Variants in FGGY observed in about 807,000 individuals in gnomAD.
FGGY encodes the protein FGGY carbohydrate kinase domain-containing protein.
In FGGY, 72 loss-of-function variants were observed where a neutral mutation model predicts 71.3. That is an observed-to-expected ratio of 1.01 (90% CI 0.84 to 1.23). FGGY has a LOEUF of 1.23. Among genes scored for constraint, FGGY ranks in the 50% most tolerant of loss-of-function variants. FGGY has a pLI of 0.00. For missense variants in FGGY, 668 were observed against 682.3 expected (o/e 0.98, Z 0.23); for synonymous variants, 251 against 250.3 (o/e 1.00, Z -0.02).
At chr1:59,339,924 T>G in intron 2 of FGGY, 34 bp from the exon 3 acceptor site, 4 of 1,332,178 alleles carry the variant, frequency 3.0e-6, no homozygotes, top group Non-Finnish European at 4.3e-6. Context: ...GACCCTGGTG[T>G]TGTAATTTAT....
chr1:59,758,401 A>G (rs2098312937), intron 15 of FGGY, among the ~76,000 whole-genome samples: 1 of 152,250 alleles, frequency 6.6e-6, no homozygotes, highest in Admixed American at 6.5e-5. Context: ...TCAACAAAAT[A>G]TTAGTTTACT....
chr1:59,553,730 T>G (rs2095643831), intron 7 of FGGY, among the ~76,000 whole-genome samples: 1 of 152,246 alleles, frequency 6.6e-6, no homozygotes, highest in Non-Finnish European at 1.5e-5. Context: ...CTGCAGACCT[T>G]AGTTTCTCCT....
At chr1:59,408,563 A>G (rs1238179701) in intron 5 of FGGY, among the ~76,000 whole-genome samples, 1 of 152,194 alleles carries the variant, frequency 6.6e-6, no homozygotes, top group East Asian at 1.9e-4. Flanking sequence ...ACGCATGTAT[A>G]TGTATAAATA....
intron 4 of FGGY, among the ~76,000 whole-genome samples, chr1:59,357,620 T>C (rs2054591564): frequency 6.6e-6 from 1 of 152,218 alleles, no homozygotes; most frequent in Non-Finnish European, 1.5e-5. Context: ...GTTATTCTGC[T>C]GTACCATGTT....
chr1:59,457,094 C>G lies in FGGY; in HGVS notation c.670+18C>G. 1 of 1,531,910 alleles carries G rather than the reference C, an allele frequency of 6.5e-7. No individual in the cohort carries two copies. The highest frequency in any genetic ancestry group is 9.0e-7 in the Non-Finnish European group (1 of 1,105,618). 94.9% of individuals were successfully genotyped at this position (1,531,910 alleles called of 1,614,324 possible). ...CAAAATAGGTAAAAGAATAAAACAT[C>G]TGTAGAGTGATTATGTGCATTGGAG... On this transcript the variant is annotated intron_variant, in intron 6 of 15. Coordinates refer to ENST00000303721, the MANE Select transcript of FGGY (RefSeq NM_018291.5).
At chr1:59,661,340 C>T (rs561888311) in intron 12 of FGGY, among the ~76,000 whole-genome samples, 59 of 152,210 alleles carry the variant, frequency 3.9e-4, no homozygotes, top group Admixed American at 1.5e-3. Flanking sequence ...AGTAATAATA[C>T]TAATACTGAA....
At chr1:59,718,071 A>T (rs926728133) in intron 14 of FGGY, among the ~76,000 whole-genome samples, 3 of 152,176 alleles carry the variant, frequency 2.0e-5, no homozygotes, top group Non-Finnish European at 4.4e-5. Context: ...TTACTGTCAC[A>T]TTACCTCTCA....
chr1:59,566,849 G>A (rs889840666), intron 8 of FGGY, among the ~76,000 whole-genome samples: 10 of 152,192 alleles, frequency 6.6e-5, no homozygotes, highest in African/African-American at 2.2e-4. Context: ...AGAGAACTGA[G>A]TATAGTGATG....
At chr1:59,758,086 A>G in intron 15 of FGGY, 94 bp downstream of exon 15, 1 of 818,980 alleles carries the variant, frequency 1.2e-6, no homozygotes. Context: ...CAGGTGGTCA[A>G]CTAATCCAGT....
At chr1:59,367,678 G>C (rs576715678) in intron 4 of FGGY, among the ~76,000 whole-genome samples, 3 of 152,112 alleles carry the variant, frequency 2.0e-5, no homozygotes, top group Non-Finnish European at 4.4e-5. Flanking sequence ...TTTCCCTCAC[G>C]AGTTCCCTAG....
intron 14 of FGGY, among the ~76,000 whole-genome samples, chr1:59,683,685 T>G (rs2097523388): frequency 6.6e-6 from 1 of 152,186 alleles, no homozygotes; most frequent in African/African-American, 2.4e-5. Context: ...CTTAGAAATG[T>G]TATTAATTGG....
intron 9 of FGGY, among the ~76,000 whole-genome samples, chr1:59,619,784 A>C (rs1163873176): frequency 6.6e-6 from 1 of 152,054 alleles, no homozygotes; most frequent in Admixed American, 6.6e-5. Context: ...AATCATTCTT[A>C]CTGCTGCCTA....
chr1:59,632,098 C>T (rs952616714), intron 10 of FGGY, among the ~76,000 whole-genome samples: 1 of 152,164 alleles, frequency 6.6e-6, no homozygotes, highest in East Asian at 1.9e-4. Context: ...TGATGAGTAT[C>T]TTTTGAGCAT....
At chr1:59,660,187 ATCT>A (rs767645904) in intron 11 of FGGY, 29 bp from the exon 12 acceptor site, 18 of 1,596,948 alleles carry the variant, frequency 1.1e-5, no homozygotes, top group Admixed American at 5.0e-5. Flanking sequence ...TCTTTTGACC[ATCT>A]TCTTCTTTTC....
At chr1:59,583,601 G>A (rs2096232247) in intron 8 of FGGY, among the ~76,000 whole-genome samples, 1 of 142,194 alleles carries the variant, frequency 7.0e-6, no homozygotes, top group Non-Finnish European at 1.5e-5. Context: ...GCGCATGGAG[G>A]AAGCTTCATG....
intron 4 of FGGY, among the ~76,000 whole-genome samples, chr1:59,358,604 G>C (rs979830227): frequency 6.6e-6 from 1 of 152,134 alleles, no homozygotes; most frequent in Admixed American, 6.5e-5. Flanking sequence ...GACATTTACT[G>C]TCCTTGCTTT....
chr1:59,474,306 C>G (rs2093150897), intron 6 of FGGY: 1 of 152,244 alleles, frequency 6.6e-6, no homozygotes, highest in Non-Finnish European at 1.5e-5. Context: ...CCCAACTTCT[C>G]TTCCTACTGC....
intron 15 of FGGY, 103 bp from the exon 16 acceptor site, chr1:59,762,400 A>G (rs779700554): frequency 5.0e-6 from 4 of 803,326 alleles, no homozygotes; most frequent in Non-Finnish European, 8.1e-6. Context: ...TCTAGGTGTC[A>G]GCATCACCAC....
intron 1 of FGGY, among the ~76,000 whole-genome samples, chr1:59,305,307 G>T (rs531089027): frequency 1.1e-4 from 16 of 152,226 alleles, no homozygotes; most frequent in African/African-American, 3.6e-4. Context: ...AGAATCTATT[G>T]AGATGATAGT....
Sources: gnomAD v4.1 joint callset for allele counts (sites outside exome capture counted in the v4.1 genomes callset) on GRCh38, gnomAD v4.1.1 for gene constraint, MANE v1.5 for transcripts, NCBI Gene and HGNC (gene_info 2026-07-23, HGNC 2026-07-21) for gene names.